Variants in SBF2 observed in about 807,000 individuals in gnomAD.
The protein encoded by SBF2 is myotubularin-related protein 13.
Under a neutral mutation model 225.2 loss-of-function variants are expected in SBF2, and 112 were observed. The observed-to-expected ratio is 0.50, with a 90% CI of 0.43 to 0.58. The LOEUF (loss-of-function observed/expected upper bound fraction) is 0.58, where lower values mean the gene tolerates loss of function less well. Among genes scored for constraint, SBF2 ranks in the 20% least tolerant of loss-of-function variants. SBF2 has a pLI of 0.00. For missense variants in SBF2, 1,996 were observed against 2,206.2 expected (o/e 0.90, Z 1.91); for synonymous variants, 763 against 773.3 (o/e 0.99, Z 0.22).
rs769960032 is a variant in SBF2, at chr11:9,839,672, G to A, written c.3281C>T (p.Thr1094Ile). ...VSVSDESELP[T>I]STTLKASEKS... is the part of the protein sequence containing the mutation. ...CTCGGAGGCCTTCAGGGTGGTACTT[G>A]TGGGGAGCTCACTCTCATCTGAAAC... The change falls in exon 26 of 40, where the codon ACA becomes ATA. Residue 1094 changes from threonine (T) to isoleucine (I), a missense_variant. By Grantham distance (89) the Thr-to-Ile change is moderately conservative. Coordinates refer to ENST00000256190, the MANE Select transcript of SBF2 (RefSeq NM_030962.4). 6.2e-7 allele frequency: 1 copy of A among 1,613,464 alleles called. No individual in the cohort carries two copies. The highest frequency in any genetic ancestry group is 1.1e-5 in the South Asian group (1 of 91,040).
chr11:10,294,462 AG>A (rs1490367660), upstream of SBF2, among the ~76,000 whole-genome samples: 2 of 152,142 alleles, frequency 1.3e-5, no homozygotes, highest in Non-Finnish European at 2.9e-5. Flanking sequence ...TTCCTAAAGC[AG>A]GGGGTCCTTC....
chr11:9,823,155 G>C (rs1854869269), intron 28 of SBF2, among the ~76,000 whole-genome samples: 1 of 152,196 alleles, frequency 6.6e-6, no homozygotes, highest in African/African-American at 2.4e-5. Context: ...TATCCAAGTT[G>C]TAAGTATATG....
intron 1 of SBF2, among the ~76,000 whole-genome samples, chr11:10,287,646 CACTTA>C (rs1189919385): frequency 6.6e-6 from 1 of 152,186 alleles, no homozygotes; most frequent in African/African-American, 2.4e-5. Context: ...CTGAAATGTT[CACTTA>C]AAAGAGTAAA....
At chr11:9,879,336 T>G (rs1267539679) in intron 17 of SBF2, among the ~76,000 whole-genome samples, 1 of 152,262 alleles carries the variant, frequency 6.6e-6, no homozygotes, top group African/African-American at 2.4e-5. Flanking sequence ...GCATTTTCCA[T>G]TCTTTTCTCA....
chr11:9,878,055 T>C (rs1358061823), intron 17 of SBF2, among the ~76,000 whole-genome samples: 3 of 152,118 alleles, frequency 2.0e-5, no homozygotes, highest in Non-Finnish European at 2.9e-5. Context: ...CGCTCCAGCA[T>C]CTGTTGTTTC....
rs12270731 is a variant in SBF2, at chr11:10,139,314, T to A, written c.141+54588A>T. On this transcript the variant is annotated intron_variant, in intron 2 of 39. Coordinates refer to ENST00000256190, the MANE Select transcript of SBF2 (RefSeq NM_030962.4). ...ATCGTAAACCAGGCATATTGTAGAG[T>A]CTCCAGCAGTTTTTTCCTTGTGTTA... Among the ~76,000 whole-genome samples the A allele has an allele frequency of 3.9e-3, 587 of 152,186 alleles. 6 individuals are homozygous for A. Among genetic ancestry groups the A allele is most frequent in the Non-Finnish European group, 6.5e-3 (445 of 67,992 alleles).
At chr11:10,024,033 T>C (rs573314115) in intron 6 of SBF2, among the ~76,000 whole-genome samples, 2 of 152,176 alleles carry the variant, frequency 1.3e-5, no homozygotes, top group African/African-American at 2.4e-5. Flanking sequence ...TCCATCACCA[T>C]AGATTAGACC....
At chr11:9,996,450 C>T (rs188010195) in intron 9 of SBF2, among the ~76,000 whole-genome samples, 4 of 152,258 alleles carry the variant, frequency 2.6e-5, no homozygotes, top group East Asian at 1.9e-4. Flanking sequence ...AGTGCAGTGG[C>T]GCAGTCTTGG....
rs538475952 is a variant in SBF2 at position 10,262,693 on chromosome 11, T to C, written c.55+31322A>G. ...GTCAGTCAACTAAAATGTAAATACA[T>C]AGATGTATATGCATACACTACACAC... On this transcript the variant is annotated intron_variant, in intron 1 of 39. Transcript: ENST00000256190. 1.9e-3 allele frequency among the ~76,000 whole-genome samples: 296 copies of C among 152,324 alleles called. 1 individual carries two copies. Among genetic ancestry groups the C allele is most frequent in the African/African-American group, 6.9e-3 (287 of 41,580 alleles).
At chr11:10,107,092 T>C (rs1952592145) in intron 2 of SBF2, among the ~76,000 whole-genome samples, 1 of 152,228 alleles carries the variant, frequency 6.6e-6, no homozygotes, top group African/African-American at 2.4e-5. Flanking sequence ...AAAAATACTT[T>C]GGCAGTTTAT....
intron 13 of SBF2, among the ~76,000 whole-genome samples, chr11:9,970,230 G>A (rs1437672654): frequency 1.4e-5 from 2 of 146,628 alleles, no homozygotes; most frequent in Non-Finnish European, 1.5e-5. Flanking sequence ...TTTTTTAGAC[G>A]CAGTCTTGCT....
intron 1 of SBF2, among the ~76,000 whole-genome samples, chr11:10,226,856 G>T (rs1051371384): frequency 7.2e-5 from 11 of 152,154 alleles, no homozygotes; most frequent in Non-Finnish European, 1.2e-4. Context: ...GTAATGGGAT[G>T]GCTGGGTCAA....
At chr11:9,784,564 A>G (rs1852247941) in intron 37 of SBF2, 126 bp from the exon 38 acceptor site, 1 of 757,378 alleles carries the variant, frequency 1.3e-6, no homozygotes. Context: ...ATGGCCTATA[A>G]GAGTTCTCCC....
intron 1 of SBF2, among the ~76,000 whole-genome samples, chr11:10,196,866 A>ATATATATATATATATATTTTTTTTTTTTT: frequency 3.0e-5 from 3 of 99,312 alleles, no homozygotes; most frequent in Non-Finnish European, 5.9e-5. Context: ...ATATATATAT[A>ATATATATATATATATATTTTTTTTTTTTT]TTTTTTTTTT....
At chr11:10,197,852 G>GT (rs1416189389) in intron 1 of SBF2, among the ~76,000 whole-genome samples, 1 of 152,184 alleles carries the variant, frequency 6.6e-6, no homozygotes, top group Non-Finnish European at 1.5e-5. Context: ...CATTTTCTTT[G>GT]TTTATCCATA....
chr11:10,131,552 G>T (rs919847105), intron 2 of SBF2, among the ~76,000 whole-genome samples: 3 of 152,100 alleles, frequency 2.0e-5, no homozygotes, highest in Non-Finnish European at 2.9e-5. Flanking sequence ...TCCTGCCTCA[G>T]CCTCCCAAGT....
At chr11:10,079,394 C>T (rs1951267398) in intron 2 of SBF2, among the ~76,000 whole-genome samples, 1 of 152,162 alleles carries the variant, frequency 6.6e-6, no homozygotes, top group South Asian at 2.1e-4. Context: ...CCCTATTTAT[C>T]TATAAAGCCA....
intron 16 of SBF2, among the ~76,000 whole-genome samples, chr11:9,937,367 G>C (rs1864965346): frequency 6.6e-6 from 1 of 152,028 alleles, no homozygotes; most frequent in East Asian, 1.9e-4. Flanking sequence ...TATTAAATCA[G>C]GACACTAAGG....
chr11:9,785,167 G>A lies in SBF2; in HGVS notation c.5189C>T (p.Ala1730Val). The change falls in exon 37 of 40, where the codon GCC (alanine) becomes GTC (valine). Residue 1730 changes from alanine (A) to valine (V), a missense_variant. By Grantham distance (64) the Ala-to-Val change is moderately conservative. Transcript: ENST00000256190. ...GGATGTATACTGGCTATAGAGCGTG[G>A]CTGCTCTTCGCTCCACTCCATTGGA... ...SPSNGVERRA[A>V]TLYSQYTSKN... 1.9e-6 allele frequency: 3 copies of A among 1,613,762 alleles called. No individual in the cohort carries two copies. The highest frequency in any genetic ancestry group is 2.5e-6 in the Non-Finnish European group (3 of 1,180,022).
Sources: gnomAD v4.1 joint callset for allele counts (sites outside exome capture counted in the v4.1 genomes callset) on GRCh38, gnomAD v4.1.1 for gene constraint, MANE v1.5 for transcripts, NCBI Gene and HGNC (gene_info 2026-07-23, HGNC 2026-07-21) for gene names.